The following SLC16A8 variants were observed in gnomAD, a reference collection of about 807,000 sequenced individuals.
SLC16A8 encodes the protein solute carrier family 16 member 8.
In SLC16A8, 20 loss-of-function variants were observed where a neutral mutation model predicts 22.4. The ratio of observed to expected loss-of-function variants is 0.89; its 90% CI spans 0.63 to 1.30. The LOEUF is 1.30. Ranked by LOEUF, SLC16A8 falls within the 50% of genes most tolerant of loss-of-function variation. SLC16A8 has a pLI of 0.00. For synonymous variants in SLC16A8, 393 were observed against 358.8 expected, an observed-to-expected ratio of 1.10 and a Z score of -1.08; for missense variants, 817 against 740.3, an observed-to-expected ratio of 1.10 and a Z score of -1.20.
At chr22:38,080,626 T>C (rs998342108) in intron 5 of SLC16A8, among the ~76,000 whole-genome samples, 1 of 152,152 alleles carries the variant, frequency 6.6e-6, no homozygotes, top group Non-Finnish European at 1.5e-5. Context: ...GCTACCAGTG[T>C]TGCTTTCTTC....
chr22:38,080,989 C>T lies in SLC16A8; in HGVS notation c.1049G>A (p.Cys350Tyr), dbSNP rs562277728. The T allele has an allele frequency of 1.3e-6, 2 of 1,597,698 alleles. No individual in the cohort carries two copies. The highest frequency in any genetic ancestry group is 1.1e-5 in the South Asian group (1 of 89,966). ...GCCGTAGGAGAGGCCGAAGGCGACGCAGAAGGCGACGAGGGCGCCGTAGGA... is the reference window on the plus strand; with the variant it reads ...GCCGTAGGAGAGGCCGAAGGCGACGTAGAAGGCGACGAGGGCGCCGTAGGA... ...ARSYGALVAF[C>Y]VAFGLSYGMV... The change falls in exon 5 of 6, where the codon TGC (cysteine) becomes TAC (tyrosine). Residue 350 changes from cysteine to tyrosine, a missense_variant. Physicochemically the swap from Cys to Tyr is radical, Grantham distance 194. Coordinates refer to ENST00000681075, the MANE Select transcript of SLC16A8 (RefSeq NM_013356.3).
chr22:38,082,271 C>T (rs980988297), intron 3 of SLC16A8, among the ~76,000 whole-genome samples: 1 of 152,270 alleles, frequency 6.6e-6, no homozygotes, highest in African/African-American at 2.4e-5. Flanking sequence ...CCTTCACAGC[C>T]TCCAAGTCCC....
chr22:38,083,726 G>A (rs1281462677), intron 1 of SLC16A8, among the ~76,000 whole-genome samples: 1 of 124,540 alleles, frequency 8.0e-6, no homozygotes, highest in Non-Finnish European at 1.7e-5. Context: ...AGTTACAAGC[G>A]CCCCCATAAC....
intron 1 of SLC16A8, among the ~76,000 whole-genome samples, chr22:38,083,755 CAGAGA>C (rs771434678): frequency 0.23 from 35,536 of 151,774 alleles, 4,415 homozygotes; most frequent in African/African-American, 0.31. Context: ...AGGGTGTACT[CAGAGA>C]CAGGTGCACC....
In SLC16A8 at chr22:38,079,449, C is replaced by G. The variant is rs1213275435; in HGVS notation, c.1199-745G>C. Reference sequence around the variant, plus strand: ...TTTTCTTATTCTTTTGAGACAGGGTCTCACTCCATTGGCCCAGGCTGGAAT... The same window carrying G: ...TTTTCTTATTCTTTTGAGACAGGGTGTCACTCCATTGGCCCAGGCTGGAAT... On this transcript the variant is annotated intron_variant, in intron 5 of 5. Transcript: ENST00000681075. Among the ~76,000 whole-genome samples the G allele has an allele frequency of 2.6e-5, 4 of 152,098 alleles. No individual in the cohort carries two copies. The East Asian group carries it at 7.7e-4, about 29-fold the overall frequency.
At chr22:38,079,862 G>A (rs2085891755) in intron 5 of SLC16A8, among the ~76,000 whole-genome samples, 1 of 152,214 alleles carries the variant, frequency 6.6e-6, no homozygotes, top group South Asian at 2.1e-4. Flanking sequence ...GGTTCCTTGA[G>A]GCCTGGGCAG....
Position 38,078,519 on chromosome 22 carries a change from C to A in SLC16A8, c.1384G>T (p.Asp462Tyr), listed in dbSNP as rs144999316. 123 of 1,614,084 alleles carry A rather than the reference C, an allele frequency of 7.6e-5. No individual in the cohort carries two copies. Among genetic ancestry groups the A allele is most frequent in the Non-Finnish European group, 1.0e-4 (119 of 1,180,060 alleles). Residue 462 changes from aspartate to tyrosine, a missense_variant, in exon 6 of 6, where the codon GAC becomes TAC. By Grantham distance (160) the Asp-to-Tyr change is radical (BLOSUM62 -3). Transcript: ENST00000681075. ...GCAACAACAGGCAGGGGCTCAGAGTCCCCTTCAGCCTCAGCGTCCTCAGTG... is the reference window on the plus strand; with the variant it reads ...GCAACAACAGGCAGGGGCTCAGAGTACCCTTCAGCCTCAGCGTCCTCAGTG... ...SDTEDAEAEG[D>Y]SEPLPVVAEE...
chr22:38,083,890 T>C (rs932187976), intron 1 of SLC16A8, 98 bp downstream of exon 1: 16 of 152,224 alleles, frequency 1.1e-4, no homozygotes, highest in Non-Finnish European at 1.5e-5. Context: ...TAGGACCAGG[T>C]TGTGGCTTTT....
At position 38,081,254 on chromosome 22, in the gene SLC16A8, G is replaced by C; in HGVS notation, c.784C>G (p.Leu262Val). The change falls in exon 5 of 6, where the codon CTG (leucine) becomes GTG (valine). Residue 262 changes from leucine (L) to valine (V), a missense_variant. By Grantham distance (32) the Leu-to-Val change is conservative. Coordinates refer to ENST00000681075, the MANE Select transcript of SLC16A8 (RefSeq NM_013356.3). ...AFAVYAVTKF[L>V]MALGLFVPAI... is the part of the protein sequence containing the mutation. ...GGGACGAAGAGCCCGAGCGCCATCAGGAACTTGGTGACGGCGTACACGGCG... is the reference window on the plus strand; with the variant it reads ...GGGACGAAGAGCCCGAGCGCCATCACGAACTTGGTGACGGCGTACACGGCG... 1 of 1,586,612 alleles carries C rather than the reference G, an allele frequency of 6.3e-7. No homozygotes were observed. The highest frequency in any genetic ancestry group is 1.1e-5 in the South Asian group (1 of 87,390).
chr22:38,083,696 C>T (rs1165732637), intron 1 of SLC16A8, among the ~76,000 whole-genome samples: 2 of 133,384 alleles, frequency 1.5e-5, no homozygotes, highest in African/African-American at 5.9e-5. Flanking sequence ...TCCTGGGGCT[C>T]CACCCGGGGC....
chr22:38,078,688 C>A lies in SLC16A8; in HGVS notation c.1215G>T (p.Val405=). Residue 405 remains valine (V), a synonymous_variant, in exon 6 of 6, where the codon GTG becomes GTT. Coordinates refer to ENST00000681075, the MANE Select transcript of SLC16A8 (RefSeq NM_013356.3). Reference sequence around the variant, plus strand: ...AGAAGATGATCTCATAGTTCTTCAACACATCCACCAGGCGGCCTGGGGAGG... The same window carrying A: ...AGAAGATGATCTCATAGTTCTTCAAAACATCCACCAGGCGGCCTGGGGAGG... The part of the protein sequence containing the change: ...GPPSAGRLVD[V]LKNYEIIFYL... 1 of 1,606,850 alleles carries A rather than the reference C, an allele frequency of 6.2e-7. No individual in the cohort carries two copies. The highest frequency in any genetic ancestry group is 1.1e-5 in the South Asian group (1 of 90,976).
Position 38,081,156 on chromosome 22 carries a change from G to A in SLC16A8, c.882C>T (p.Ile294=). 2 of 1,551,136 alleles carry A rather than the reference G, an allele frequency of 1.3e-6. No individual in the cohort carries two copies. Among genetic ancestry groups the A allele is most frequent in the Non-Finnish European group, 8.7e-7 (1 of 1,147,222 alleles). The change falls in exon 5 of 6, where the codon ATC becomes ATT. Residue 294 remains isoleucine (I), a synonymous_variant. Coordinates refer to ENST00000681075, the MANE Select transcript of SLC16A8 (RefSeq NM_013356.3). ...GCGCCACGATGTCCACGAAGCCCAC[G>A]ATGGACAGCAGGAAGGCGGCGTCGG... ...PDTDAAFLLS[I]VGFVDIVARP...
chr22:38,078,363 G>A lies in SLC16A8; in HGVS notation c.*25C>T, dbSNP rs745790081. The A allele has an allele frequency of 6.4e-7, 1 of 1,567,640 alleles. No individual in the cohort carries two copies. The highest frequency in any genetic ancestry group is 8.6e-7 in the Non-Finnish European group (1 of 1,159,044). ...AGAAGCTGTGTTCCCAAGTCACTGG[G>A]CCACCCCACCCAGAGCACCCTGAGT... On this transcript the variant is annotated 3_prime_UTR_variant, in exon 6 of 6. Coordinates refer to ENST00000681075, the MANE Select transcript of SLC16A8 (RefSeq NM_013356.3).
In SLC16A8 at chr22:38,080,978, C is replaced by G; in HGVS notation, c.1060G>C (p.Gly354Arg). The G allele has an allele frequency of 1.3e-6, 2 of 1,597,766 alleles. No individual in the cohort carries two copies. Among genetic ancestry groups the G allele is most frequent in the Non-Finnish European group, 1.7e-6 (2 of 1,177,398 alleles). ...GCGCCCACCATGCCGTAGGAGAGGC[C>G]GAAGGCGACGCAGAAGGCGACGAGG... is the stretch of plus-strand genomic sequence containing the variant. ...GALVAFCVAFGLSYGMVGALQ... is the reference protein window; with the variant it reads ...GALVAFCVAFRLSYGMVGALQ... Residue 354 changes from glycine (G) to arginine (R), a missense_variant, in exon 5 of 6, where the codon GGC (glycine) becomes CGC (arginine). Gly to Arg is a moderately radical substitution (Grantham distance 125). Coordinates refer to ENST00000681075, the MANE Select transcript of SLC16A8 (RefSeq NM_013356.3).
intron 3 of SLC16A8, 115 bp downstream of exon 3, chr22:38,082,545 G>A (rs1358833120): frequency 1.2e-6 from 1 of 861,908 alleles, no homozygotes; most frequent in Non-Finnish European, 1.7e-6. Context: ...CCACAGGCAG[G>A]AAGGGACTTC....
chr22:38,081,313 A>G lies in SLC16A8; in HGVS notation c.725T>C (p.Leu242Pro). 6.6e-7 allele frequency: 1 copy of G among 1,519,828 alleles called. No individual in the cohort carries two copies. The highest frequency in any genetic ancestry group is 8.8e-7 in the Non-Finnish European group (1 of 1,133,446). The allele number at this position is 1,519,828 out of a possible 1,614,324, so 94.1% of individuals were successfully genotyped here. A position where few individuals can be genotyped will look rare whatever the true frequency, so the allele number is the denominator to read the frequency against. Residue 242 changes from leucine to proline, a missense_variant, in exon 5 of 6, where the codon CTG (leucine) becomes CCG (proline). Coordinates refer to ENST00000681075, the MANE Select transcript of SLC16A8 (RefSeq NM_013356.3). ...ASPRVRPRRR[L>P]LDLAVCTDRA... ...GTCGGTGCACACTGCCAAGTCCAGC[A>G]GGCGCCGGCGGGGCCGGACCCTGGG...
rs771717856 is a variant in SLC16A8, at chr22:38,080,994, G to A, written c.1044C>T (p.Ala348=). 6.3e-7 allele frequency: 1 copy of A among 1,598,588 alleles called. No individual in the cohort carries two copies. Among genetic ancestry groups the A allele is most frequent in the South Asian group, 1.1e-5 (1 of 89,984 alleles). Residue 348 remains alanine, a synonymous_variant, in exon 5 of 6, where the codon GCC becomes GCT. Transcript: ENST00000681075. The part of the protein sequence containing the change: ...ARARSYGALV[A]FCVAFGLSYG... The stretch of plus-strand genomic sequence containing the variant: ...AGGAGAGGCCGAAGGCGACGCAGAA[G>A]GCGACGAGGGCGCCGTAGGAGCGCG...
Position 38,081,162 on chromosome 22 carries a change from C to T in SLC16A8, c.876G>A (p.Leu292=). 6.4e-7 allele frequency: 1 copy of T among 1,552,254 alleles called. No individual in the cohort carries two copies. ...CGATGTCCACGAAGCCCACGATGGA[C>T]AGCAGGAAGGCGGCGTCGGTGTCGG... is the stretch of plus-strand genomic sequence containing the variant. ...GVPDTDAAFL[L]SIVGFVDIVA... Residue 292 remains leucine, a synonymous_variant, in exon 5 of 6, where the codon CTG becomes CTA. Transcript: ENST00000681075.
Position 38,082,647 on chromosome 22 carries a change from C to G in SLC16A8, c.214+13G>C. On this transcript the variant is annotated intron_variant, in intron 3 of 5. Transcript: ENST00000681075. ...GGTCCCGGGGAGGCGGAGGGCCGGG[C>G]GGGGACACTGACCCGTGCCGTAGAG... The G allele has an allele frequency of 6.5e-7, 1 of 1,542,332 alleles. No individual in the cohort carries two copies. Among genetic ancestry groups the G allele is most frequent in the Non-Finnish European group, 8.8e-7 (1 of 1,142,366 alleles).
Sources: gnomAD v4.1 joint callset for allele counts (sites outside exome capture counted in the v4.1 genomes callset) on GRCh38, gnomAD v4.1.1 for gene constraint, MANE v1.5 for transcripts, NCBI Gene and HGNC (gene_info 2026-07-23, HGNC 2026-07-21) for gene names.